ARHGAP35: variants seen among roughly 807,000 people sequenced by gnomAD.
ARHGAP35 encodes the protein rho GTPase-activating protein 35.
ARHGAP35 carries 15 observed loss-of-function variants against 111.1 expected under a neutral mutation model. That is an observed-to-expected ratio of 0.13 (90% CI 0.09 to 0.21). ARHGAP35 has a LOEUF of 0.21. ARHGAP35 is among the 10% of genes least tolerant of loss of function. The probability of loss-of-function intolerance (pLI) is 1.00; values close to 1 mark genes in which losing one functional copy is unlikely to be tolerated. For synonymous variants in ARHGAP35, 643 were observed against 710.3 expected (o/e 0.91, Z 1.51); for missense variants, 1,262 against 1,873.0 (o/e 0.67, Z 6.02).
chr19:46,884,735 C>T (rs1396063539), intron 1 of ARHGAP35, among the ~76,000 whole-genome samples: 2 of 151,886 alleles, frequency 1.3e-5, no homozygotes, highest in African/African-American at 4.8e-5. Flanking sequence ...AATTCCCCCG[C>T]GTAGGCCTCC....
At chr19:46,867,953 G>GTCT (rs1216665564) in intron 1 of ARHGAP35, among the ~76,000 whole-genome samples, 3 of 152,222 alleles carry the variant, frequency 2.0e-5, no homozygotes, top group African/African-American at 7.2e-5. Flanking sequence ...TACAAAGTCC[G>GTCT]CCTCCTGGAT....
At chr19:46,956,956 C>CTTTTTTTTTTTT (rs11449203) in intron 3 of ARHGAP35, among the ~76,000 whole-genome samples, 1 of 107,618 alleles carries the variant, frequency 9.3e-6, no homozygotes, top group Non-Finnish European at 1.8e-5. Context: ...TTAAAGCAGA[C>CTTTTTTTTTTTT]TTTTTTTTTT....
intron 1 of ARHGAP35, among the ~76,000 whole-genome samples, chr19:46,892,216 A>C (rs1258754529): frequency 6.6e-6 from 1 of 150,608 alleles, no homozygotes; most frequent in Admixed American, 6.6e-5. Context: ...AGGTAGGAGA[A>C]TCACTTGAAC....
At chr19:46,979,076 G>A (rs1325004520) in intron 3 of ARHGAP35, among the ~76,000 whole-genome samples, 9 of 150,920 alleles carry the variant, frequency 6.0e-5, no homozygotes, top group African/African-American at 9.8e-5. Context: ...GGTGGGGTGT[G>A]TGTGGTGGGA....
intron 3 of ARHGAP35, among the ~76,000 whole-genome samples, chr19:46,962,189 A>G (rs2056487327): frequency 6.6e-6 from 1 of 152,174 alleles, no homozygotes; most frequent in Admixed American, 6.5e-5. Flanking sequence ...ATTATCTTTC[A>G]ATAAGAGTTT....
chr19:46,882,336 G>C (rs1041038771), intron 1 of ARHGAP35, among the ~76,000 whole-genome samples: 1 of 151,746 alleles, frequency 6.6e-6, no homozygotes, highest in South Asian at 2.1e-4. Flanking sequence ...CAGGATCAGC[G>C]TATGTTGACC....
chr19:46,901,841 G>A lies in ARHGAP35; in HGVS notation c.-188-16647G>A, dbSNP rs112104698. Among the ~76,000 whole-genome samples, 983 of 152,288 alleles carry A rather than the reference G, an allele frequency of 6.5e-3. 5 individuals are homozygous for A. The highest frequency in any genetic ancestry group is 0.02 in the South Asian group (98 of 4,822). ...AACATCATTGTCCAGTGATCCTGCT[G>A]ACAGATGAGAGCTGTCAAGATAGCT... On this transcript the variant is annotated intron_variant, in intron 1 of 6. Transcript: ENST00000672722. This position sits in a 1 kb window ranked among gnomAD's most constrained non-coding sequence, Gnocchi z 4.5.
rs369551370 is a variant in ARHGAP35, at chr19:46,990,192, A to C, written c.4036+517A>C. Among the ~76,000 whole-genome samples the C allele has an allele frequency of 2.8e-4, 43 of 152,302 alleles. No individual in the cohort carries two copies. In the East Asian group the frequency reaches 3.3e-3, roughly 12 times the overall value. ...TCTTAGGAAGCCGGCCTCTGGAGGG[A>C]AAGAGATGACTCCAGTGGCCCTGGC... On this transcript the variant is annotated intron_variant, in intron 5 of 6. Coordinates refer to ENST00000672722, the MANE Select transcript of ARHGAP35 (RefSeq NM_004491.5).
At chr19:46,963,116 G>A (rs925085287) in intron 3 of ARHGAP35, among the ~76,000 whole-genome samples, 1 of 152,140 alleles carries the variant, frequency 6.6e-6, no homozygotes, top group East Asian at 1.9e-4. Context: ...GAACTCCAAG[G>A]AATTGTTTGC....
At chr19:46,915,670 T>C (rs1196373083) in intron 1 of ARHGAP35, among the ~76,000 whole-genome samples, 1 of 152,186 alleles carries the variant, frequency 6.6e-6, no homozygotes, top group Non-Finnish European at 1.5e-5. Context: ...AAAATTGCTC[T>C]GTTCATTTCA....
Position 46,921,812 on chromosome 19 carries a change from C to G in ARHGAP35, c.3137C>G (p.Pro1046Arg), listed in dbSNP as rs2056202820. ...CCTCCGCCAGTCAAACCAAAGCCTC[C>G]TGTCCATTTTGAAATTACAAAGGGG... Reference protein sequence around the residue: ...KVPPPVKPKPPVHFEITKGDL... With the variant: ...KVPPPVKPKPRVHFEITKGDL... Residue 1046 changes from proline to arginine, a missense_variant, in exon 2 of 7, where the codon CCT (proline) becomes CGT (arginine). Pro to Arg is a moderately radical substitution (Grantham distance 103). Transcript: ENST00000672722. This position sits in a 1 kb window ranked among gnomAD's most constrained non-coding sequence, Gnocchi z 4.3. The G allele has an allele frequency of 4.3e-6, 7 of 1,614,000 alleles. No homozygotes were observed. The highest frequency in any genetic ancestry group is 5.9e-6 in the Non-Finnish European group (7 of 1,179,882).
At chr19:46,956,748 A>C (rs2056441391) in intron 3 of ARHGAP35, among the ~76,000 whole-genome samples, 1 of 152,176 alleles carries the variant, frequency 6.6e-6, no homozygotes, top group Non-Finnish European at 1.5e-5. Flanking sequence ...TAGCTCTGCT[A>C]CCCAGTAGCT....
chr19:46,966,668 T>C (rs1156477097), intron 3 of ARHGAP35, among the ~76,000 whole-genome samples: 1 of 152,232 alleles, frequency 6.6e-6, no homozygotes, highest in Non-Finnish European at 1.5e-5. Flanking sequence ...TACAGTTGTT[T>C]GTCTTACTTT....
At chr19:46,888,364 A>G (rs527952036) in intron 1 of ARHGAP35, among the ~76,000 whole-genome samples, 2 of 106,366 alleles carry the variant, frequency 1.9e-5, no homozygotes, top group South Asian at 6.0e-4. Context: ...ACACACACAC[A>G]CCCCACAACA....
intron 1 of ARHGAP35, among the ~76,000 whole-genome samples, chr19:46,887,374 G>T (rs1157854966): frequency 2.0e-5 from 3 of 152,184 alleles, no homozygotes; most frequent in African/African-American, 7.2e-5. Flanking sequence ...CTGAAAGTCT[G>T]TAGTTTAGTT....
chr19:46,988,235 G>C lies in ARHGAP35; in HGVS notation c.3904+169G>C. ...ATGTGTGGCTGCAGCGGGGAGGAGG[G>C]GACCGGGTCCTGTCAGTGAACCGAA... On this transcript the variant is annotated intron_variant, in intron 4 of 6. Coordinates refer to ENST00000672722, the MANE Select transcript of ARHGAP35 (RefSeq NM_004491.5). This position sits in a 1 kb window ranked among gnomAD's most constrained non-coding sequence, Gnocchi z 5.4. 1.6e-6 allele frequency: 1 copy of C among 645,098 alleles called. No individual in the cohort carries two copies. The highest frequency in any genetic ancestry group is 1.8e-5 in the South Asian group (1 of 54,846). The allele number at this position is 645,098 out of a possible 1,614,324, so 40.0% of individuals were successfully genotyped here.
intron 3 of ARHGAP35, among the ~76,000 whole-genome samples, chr19:46,976,523 CAG>C (rs1425591982): frequency 6.6e-6 from 1 of 152,248 alleles, no homozygotes; most frequent in Admixed American, 6.5e-5. Context: ...CCATCCAAGA[CAG>C]AAATAGTCTG....
rs773126925 is a variant in ARHGAP35, at chr19:46,999,682, G to A, written c.4142+273G>A. The A allele has an allele frequency of 2.2e-6, 1 of 454,490 alleles. No individual in the cohort carries two copies. The highest frequency in any genetic ancestry group is 3.9e-6 in the Non-Finnish European group (1 of 253,560). 28.2% of individuals were successfully genotyped at this position (454,490 alleles called of 1,614,324 possible). A position where few individuals can be genotyped will look rare whatever the true frequency, so the allele number is the denominator to read the frequency against. On this transcript the variant is annotated intron_variant, in intron 6 of 6. Transcript: ENST00000672722. This position sits in a 1 kb window ranked among gnomAD's most constrained non-coding sequence, Gnocchi z 5.4. Reference sequence around the variant, plus strand: ...CCAGATAGGGCACTTAGCTCCAGCGGGCATGGGGCCTCTTGTAGGCCTGTG... The same window carrying A: ...CCAGATAGGGCACTTAGCTCCAGCGAGCATGGGGCCTCTTGTAGGCCTGTG...
At position 46,922,252 on chromosome 19, in the gene ARHGAP35, C is replaced by G; in HGVS notation, c.3577C>G (p.Gln1193Glu). Residue 1193 changes from glutamine (Q) to glutamate (E), a missense_variant, in exon 2 of 7, where the codon CAG (glutamine) becomes GAG (glutamate). This residue lies in a region of ARHGAP35 where 579 missense variants were observed against 716.9 expected (regional missense o/e 0.81). Coordinates refer to ENST00000672722, the MANE Select transcript of ARHGAP35 (RefSeq NM_004491.5). The surrounding 1 kb of genome is among the most constrained non-coding windows in gnomAD (Gnocchi z 4.0). The stretch of plus-strand genomic sequence containing the variant: ...GCCCATCCGGAAGAAAGAGGAGGAT[C>G]AGGCATCCCAGGGTTATAAAGGGGA... ...LGPIRKKEED[Q>E]ASQGYKGDNA... The G allele has an allele frequency of 6.2e-7, 1 of 1,613,980 alleles. No individual in the cohort carries two copies. The highest frequency in any genetic ancestry group is 8.5e-7 in the Non-Finnish European group (1 of 1,179,890).
Sources: allele counts gnomAD v4.1 joint callset (sites outside exome capture counted in the v4.1 genomes callset), GRCh38; gene constraint gnomAD v4.1.1; regional missense constraint gnomAD v4.1.1; non-coding constraint Gnocchi (gnomAD v3.1); transcripts MANE v1.5; gene names NCBI Gene and HGNC (gene_info 2026-07-23, HGNC 2026-07-21).